The following OPCML variants were observed in gnomAD, a reference collection of about 807,000 sequenced individuals.
OPCML encodes opioid binding protein/cell adhesion molecule like.
A neutral mutation model predicts 37.8 loss-of-function variants in OPCML; 13 were observed. The ratio of observed to expected loss-of-function variants is 0.34; its 90% CI spans 0.22 to 0.55. The LOEUF (loss-of-function observed/expected upper bound fraction) is 0.55, where lower values mean the gene tolerates loss of function less well. Ranked by LOEUF, OPCML falls within the 20% of genes least tolerant of loss-of-function variation. The pLI, the probability that OPCML is intolerant of heterozygous loss-of-function variation, is 0.91. For synonymous variants in OPCML, 176 were observed against 168.8 expected (o/e 1.04, Z -0.33); for missense variants, 341 against 435.6 (o/e 0.78, Z 1.93).
chr11:132,735,819 G>C (rs1186149414), intron 2 of OPCML, among the ~76,000 whole-genome samples: 1 of 152,036 alleles, frequency 6.6e-6, no homozygotes, highest in Non-Finnish European at 1.5e-5. Flanking sequence ...CTGTCAGATT[G>C]GATTGAAAGA....
chr11:132,695,118 TAGG>T (rs1293079720), intron 2 of OPCML, among the ~76,000 whole-genome samples: 1 of 152,104 alleles, frequency 6.6e-6, no homozygotes, highest in Non-Finnish European at 1.5e-5. Flanking sequence ...TTGAGACACT[TAGG>T]GGGATTATAG....
At chr11:132,883,497 T>C (rs1168050256) in intron 2 of OPCML, among the ~76,000 whole-genome samples, 1 of 152,092 alleles carries the variant, frequency 6.6e-6, no homozygotes, top group Non-Finnish European at 1.5e-5. Flanking sequence ...CTCAGTGAGG[T>C]TGGTTCCAGT....
intron 2 of OPCML, among the ~76,000 whole-genome samples, chr11:132,775,978 C>T: frequency 6.6e-6 from 1 of 152,198 alleles, no homozygotes; most frequent in East Asian, 1.9e-4. Flanking sequence ...GTCACCCAGG[C>T]TGGAGTGCAG....
intron 2 of OPCML, among the ~76,000 whole-genome samples, chr11:132,837,508 A>G (rs1013827669): frequency 6.6e-6 from 1 of 152,168 alleles, no homozygotes; most frequent in Non-Finnish European, 1.5e-5. Context: ...AAACCTAGCT[A>G]TAGGGGGAAA....
Position 132,437,377 on chromosome 11 carries a change from G to T in OPCML, c.506-18C>A. The T allele has an allele frequency of 6.2e-7, 1 of 1,613,030 alleles. No homozygotes were observed. The highest frequency in any genetic ancestry group is 8.5e-7 in the Non-Finnish European group (1 of 1,179,526). On this transcript the variant is annotated intron_variant, in intron 4 of 7. Coordinates refer to ENST00000524381, the MANE Select transcript of OPCML (RefSeq NM_001012393.5). Reference sequence around the variant, plus strand: ...CTGGCCTTCTGGGAAGAAAGAAGCAGACAGGAAACAATCAGGAAACTGTGT... The same window carrying T: ...CTGGCCTTCTGGGAAGAAAGAAGCATACAGGAAACAATCAGGAAACTGTGT...
chr11:133,119,275 T>C (rs558316875), intron 1 of OPCML, among the ~76,000 whole-genome samples: 1 of 152,166 alleles, frequency 6.6e-6, no homozygotes, highest in Non-Finnish European at 1.5e-5. Context: ...GGCCAAATTA[T>C]CTATATCACT....
intron 1 of OPCML, among the ~76,000 whole-genome samples, chr11:133,184,148 C>T (rs1305762201): frequency 6.6e-6 from 1 of 152,158 alleles, no homozygotes; most frequent in Non-Finnish European, 1.5e-5. Context: ...CAAGTGACTG[C>T]TTACTGAGAT....
At chr11:133,202,119 G>A (rs180772796) in intron 1 of OPCML, among the ~76,000 whole-genome samples, 8 of 152,236 alleles carry the variant, frequency 5.3e-5, no homozygotes, top group Non-Finnish European at 8.8e-5. Context: ...ACAAAGATCC[G>A]GGAATGATTT....
intron 2 of OPCML, among the ~76,000 whole-genome samples, chr11:132,826,054 C>T (rs556004830): frequency 1.3e-5 from 2 of 152,298 alleles, no homozygotes; most frequent in South Asian, 2.1e-4. Context: ...AAAGACGTGG[C>T]TACTGTTGGC....
chr11:133,314,731 G>A (rs1247568456), intron 1 of OPCML, among the ~76,000 whole-genome samples: 3 of 152,110 alleles, frequency 2.0e-5, no homozygotes, highest in Non-Finnish European at 2.9e-5. Context: ...CATCAGGCAC[G>A]CCTGGCCAGG....
chr11:133,207,862 T>C (rs1001298514), intron 1 of OPCML, among the ~76,000 whole-genome samples: 1 of 152,152 alleles, frequency 6.6e-6, no homozygotes, highest in Non-Finnish European at 1.5e-5. Context: ...CTGCCGTAGT[T>C]CTCCTCACAC....
At chr11:133,353,903 C>A (rs1323601230) in intron 1 of OPCML, among the ~76,000 whole-genome samples, 1 of 151,744 alleles carries the variant, frequency 6.6e-6, no homozygotes, top group African/African-American at 2.4e-5. Context: ...TAGATGACAT[C>A]AAAAAAAGAA....
intron 1 of OPCML, among the ~76,000 whole-genome samples, chr11:133,013,949 G>T (rs114408547): frequency 1.3e-5 from 2 of 152,144 alleles, no homozygotes; most frequent in Non-Finnish European, 2.9e-5. Context: ...GCCTCTATTT[G>T]CTTAAAAGTA....
chr11:132,552,761 C>T (rs900630559), intron 3 of OPCML, among the ~76,000 whole-genome samples: 2 of 67,476 alleles, frequency 3.0e-5, no homozygotes, highest in African/African-American at 1.1e-4. Context: ...TTAAACACTA[C>T]TCTTTTTTTT....
chr11:132,957,850 C>T (rs767449663), intron 1 of OPCML, among the ~76,000 whole-genome samples: 4 of 152,204 alleles, frequency 2.6e-5, no homozygotes, highest in Non-Finnish European at 5.9e-5. Flanking sequence ...TCTGACTGCT[C>T]TACCAACCAA....
chr11:133,233,168 G>A (rs140680252), intron 1 of OPCML, among the ~76,000 whole-genome samples: 1,984 of 152,274 alleles, frequency 0.013, 30 homozygotes, highest in Non-Finnish European at 0.022. Context: ...GAGAAACTGA[G>A]GACCAAAAGA....
chr11:133,262,262 T>C (rs971662628), intron 1 of OPCML, among the ~76,000 whole-genome samples: 5 of 152,182 alleles, frequency 3.3e-5, no homozygotes, highest in African/African-American at 9.7e-5. Flanking sequence ...AATAGGATTC[T>C]CCCTTTAAAA....
chr11:132,462,440 C>T (rs1410575087), intron 4 of OPCML, among the ~76,000 whole-genome samples: 4 of 152,186 alleles, frequency 2.6e-5, no homozygotes, highest in Non-Finnish European at 4.4e-5. Flanking sequence ...GAGCCCCACA[C>T]AGGAGATCAC....
intron 1 of OPCML, among the ~76,000 whole-genome samples, chr11:133,458,523 C>G (rs1946759161): frequency 1.1e-5 from 1 of 94,300 alleles, no homozygotes; most frequent in Admixed American, 9.0e-5. Context: ...CATATATACA[C>G]TGTGTGTGTA....
Sources: allele counts gnomAD v4.1 joint callset (sites outside exome capture counted in the v4.1 genomes callset), GRCh38; gene constraint gnomAD v4.1.1; transcripts MANE v1.5; gene names NCBI Gene and HGNC (gene_info 2026-07-23, HGNC 2026-07-21).